Variants in RPP30 observed in about 807,000 individuals in gnomAD.
RPP30 encodes the protein ribonuclease P/MRP subunit p30.
RPP30 carries 36 observed loss-of-function variants against 38.6 expected under a neutral mutation model. That is an observed-to-expected ratio of 0.93 (90% CI 0.71 to 1.23). The LOEUF (loss-of-function observed/expected upper bound fraction) is 1.23, where lower values mean the gene tolerates loss of function less well. RPP30 is among the 50% of genes most tolerant of loss of function. The pLI is 0.00. For missense variants in RPP30, 321 were observed against 321.7 expected (o/e 1.00, Z 0.02); for synonymous variants, 126 against 112.7 (o/e 1.12, Z -0.75).
intron 10 of RPP30, 145 bp from the exon 11 acceptor site, chr10:90,900,425 A>C: frequency 1.4e-6 from 1 of 711,776 alleles, no homozygotes; most frequent in Non-Finnish European, 2.3e-6. Context: ...AAAAAAGATA[A>C]TGACGGTAAA....
chr10:90,881,175 A>G (rs1846923261), intron 5 of RPP30, among the ~76,000 whole-genome samples: 1 of 152,254 alleles, frequency 6.6e-6, no homozygotes, highest in African/African-American at 2.4e-5. Flanking sequence ...AAAAGAAGGT[A>G]TACATTTGTA....
intron 6 of RPP30, among the ~76,000 whole-genome samples, chr10:90,892,211 G>A (rs1311899565): frequency 6.6e-6 from 1 of 152,154 alleles, no homozygotes; most frequent in East Asian, 1.9e-4. Flanking sequence ...GCACTGTTAG[G>A]AAGAGGCTGT....
At chr10:90,888,559 G>T (rs1847032300) in intron 6 of RPP30, among the ~76,000 whole-genome samples, 1 of 152,074 alleles carries the variant, frequency 6.6e-6, no homozygotes, top group South Asian at 2.1e-4. Flanking sequence ...AGCATATCAG[G>T]GTACAGCATA....
At position 90,875,679 on chromosome 10, in the gene RPP30, G is replaced by A. The variant is rs113124007; in HGVS notation, c.195+65G>A. On this transcript the variant is annotated intron_variant, in intron 3 of 10. Coordinates refer to ENST00000371703, the MANE Select transcript of RPP30 (RefSeq NM_006413.5). ...TTCAGTTAAAAGGTACCTAATTATT[G>A]TGCTATTCTCTAGCTTGAGCTGCAC... 3,309 of 1,372,028 alleles carry A rather than the reference G, an allele frequency of 2.4e-3. 72 individuals carry two copies. The African/African-American group carries it at 0.04, about 16-fold the overall frequency. The allele number at this position is 1,372,028 out of a possible 1,614,324, so 85.0% of individuals were successfully genotyped here.
At chr10:90,878,931 C>A in intron 4 of RPP30, 132 bp from the exon 5 acceptor site, 1 of 657,854 alleles carries the variant, frequency 1.5e-6, no homozygotes, top group South Asian at 2.0e-5. Context: ...TGCCAACATA[C>A]AAAGCAAAGC....
At chr10:90,902,204 G>T, downstream of RPP30, 3 of 833,086 alleles carry the variant, frequency 3.6e-6, no homozygotes, top group South Asian at 1.3e-4. Context: ...TCATGACCAG[G>T]TGAAATTTAT....
intron 8 of RPP30, 116 bp downstream of exon 8, chr10:90,895,599 TG>T: frequency 1.6e-6 from 1 of 632,232 alleles, no homozygotes; most frequent in Non-Finnish European, 2.5e-6. Flanking sequence ...CTATTTTAAC[TG>T]CATTTGCTCA....
chr10:90,884,488 G>A (rs2120201547), intron 5 of RPP30, among the ~76,000 whole-genome samples: 1 of 152,304 alleles, frequency 6.6e-6, no homozygotes, highest in South Asian at 2.1e-4. Context: ...CTATCATTCA[G>A]AGCTTTTCTT....
intron 4 of RPP30, among the ~76,000 whole-genome samples, chr10:90,876,653 AT>A (rs1455552089): frequency 2.0e-5 from 3 of 152,070 alleles, no homozygotes; most frequent in African/African-American, 7.2e-5. Flanking sequence ...AAAACGTGGT[AT>A]TTTCTGGGAA....
At chr10:90,882,879 G>A (rs1354256054) in intron 5 of RPP30, among the ~76,000 whole-genome samples, 1 of 152,164 alleles carries the variant, frequency 6.6e-6, no homozygotes. Flanking sequence ...CCTTTGCAGA[G>A]GACTGTTGTA....
At chr10:90,886,540 C>G (rs1329045649) in intron 6 of RPP30, among the ~76,000 whole-genome samples, 1 of 152,166 alleles carries the variant, frequency 6.6e-6, no homozygotes, top group Non-Finnish European at 1.5e-5. Context: ...GTCTTAATTT[C>G]CTCCCATTTC....
downstream of RPP30, chr10:90,905,532 C>G (rs1847245006): frequency 1.3e-5 from 2 of 152,182 alleles, no homozygotes; most frequent in South Asian, 4.1e-4. Flanking sequence ...TTCTCATTCC[C>G]TTATAGAGGA....
chr10:90,900,803 A>G lies in RPP30; in HGVS notation c.*124A>G. The G allele has an allele frequency of 7.1e-7, 1 of 1,404,458 alleles. No individual in the cohort carries two copies. The highest frequency in any genetic ancestry group is 9.3e-7 in the Non-Finnish European group (1 of 1,080,402). 87.0% of individuals were successfully genotyped at this position (1,404,458 alleles called of 1,614,324 possible). On this transcript the variant is annotated 3_prime_UTR_variant, in exon 11 of 11. Coordinates refer to ENST00000371703, the MANE Select transcript of RPP30 (RefSeq NM_006413.5). ...TGGAGCTAGAAATCAATAGTCTATAAAAACAGTTTTACTTGCAATCCATTA... is the reference window on the plus strand; with the variant it reads ...TGGAGCTAGAAATCAATAGTCTATAGAAACAGTTTTACTTGCAATCCATTA...
Position 90,901,876 on chromosome 10 carries a change from T to A in RPP30, c.*1197T>A. 1 of 706,444 alleles carries A rather than the reference T, an allele frequency of 1.4e-6. No individual in the cohort carries two copies. Among genetic ancestry groups the A allele is most frequent in the Non-Finnish European group, 1.7e-6 (1 of 576,556 alleles). 43.8% of individuals were successfully genotyped at this position (706,444 alleles called of 1,614,324 possible). On this transcript the variant is annotated 3_prime_UTR_variant, in exon 11 of 11. Transcript: ENST00000371703. ...CTCTGTCCCCCAGGCTGGAGTGCAG[T>A]GGCTCGATCTCTGCTCACTGCAAGC...
intron 10 of RPP30, among the ~76,000 whole-genome samples, chr10:90,897,864 C>T (rs1304036179): frequency 6.6e-6 from 1 of 151,982 alleles, no homozygotes; most frequent in Non-Finnish European, 1.5e-5. Flanking sequence ...TATAGGCATG[C>T]AATGCATAAT....
At position 90,879,125 on chromosome 10, in the gene RPP30, G is replaced by A; in HGVS notation, c.333G>A (p.Lys111=). 6.2e-7 allele frequency: 1 copy of A among 1,613,408 alleles called. No homozygotes were observed. The highest frequency in any genetic ancestry group is 8.5e-7 in the Non-Finnish European group (1 of 1,179,470). The part of the protein sequence containing the change: ...DVVAVFPKTE[K]LFHIACTHLD... ...TTGCAGTTTTTCCAAAGACAGAAAA[G>A]CTTTTTCATGTGAGTAACAGATAAG... is the stretch of plus-strand genomic sequence containing the variant. The change falls in exon 5 of 11, where the codon AAG becomes AAA. Residue 111 remains lysine (K), a synonymous_variant. Transcript: ENST00000371703.
rs1419480750 is a variant in RPP30, at chr10:90,896,327, G to C, written c.632G>C (p.Gly211Ala). ...YDVANLGLLF[G>A]LSESDAKAAV... ...GCTCCCCCAAGAGGCTTGCTGTTTG[G>C]GCTCTCTGAAAGTGACGCCAAGGCT... Residue 211 changes from glycine to alanine, a missense_variant, in exon 10 of 11, where the codon GGG (glycine) becomes GCG (alanine). Coordinates refer to ENST00000371703, the MANE Select transcript of RPP30 (RefSeq NM_006413.5). The C allele has an allele frequency of 6.2e-7, 1 of 1,613,996 alleles. No individual in the cohort carries two copies. The highest frequency in any genetic ancestry group is 1.7e-5 in the Admixed American group (1 of 60,006).
At chr10:90,891,810 T>C (rs1178230277) in intron 6 of RPP30, among the ~76,000 whole-genome samples, 3 of 152,186 alleles carry the variant, frequency 2.0e-5, no homozygotes, top group Non-Finnish European at 4.4e-5. Context: ...AAAGTGATTA[T>C]TGGAGGAAGG....
rs1361952972 is a variant in RPP30, at chr10:90,885,813, T to C, written c.344T>C (p.Ile115Thr). Residue 115 changes from isoleucine (I) to threonine (T), a missense_variant and splice_region_variant, in exon 6 of 11, where the codon ATT becomes ACT. Transcript: ENST00000371703. ...VFPKTEKLFH[I>T]ACTHLDVDLV... ...TACCTATTTTTTTCTTCTTTACAGATTGCTTGCACACATTTAGATGTGGAT... is the reference window on the plus strand; with the variant it reads ...TACCTATTTTTTTCTTCTTTACAGACTGCTTGCACACATTTAGATGTGGAT... The C allele has an allele frequency of 4.4e-6, 7 of 1,607,262 alleles. No individual in the cohort carries two copies. The highest frequency in any genetic ancestry group is 4.2e-6 in the Non-Finnish European group (5 of 1,176,918).
Sources: allele counts gnomAD v4.1 joint callset (sites outside exome capture counted in the v4.1 genomes callset), GRCh38; gene constraint gnomAD v4.1.1; transcripts MANE v1.5; gene names NCBI Gene and HGNC (gene_info 2026-07-23, HGNC 2026-07-21).